The following ARL14EP variants were observed in gnomAD, a reference collection of about 807,000 sequenced individuals.
ARL14EP encodes the protein ARF like GTPase 14 effector protein.
ARL14EP carries 12 observed loss-of-function variants against 23.1 expected under a neutral mutation model. The observed-to-expected ratio is 0.52, with a 90% CI of 0.33 to 0.84. The LOEUF (loss-of-function observed/expected upper bound fraction) is 0.84. Ranked by LOEUF, ARL14EP falls within the 40% of genes least tolerant of loss-of-function variation. The pLI, the probability that ARL14EP is intolerant of heterozygous loss-of-function variation, is 0.02. For missense variants in ARL14EP, 253 were observed against 307.3 expected (o/e 0.82, Z 1.32); for synonymous variants, 97 against 102.0 (o/e 0.95, Z 0.29).
intron 2 of ARL14EP, 149 bp downstream of exon 2, chr11:30,331,523 T>C: frequency 6.7e-7 from 1 of 1,483,022 alleles, no homozygotes; most frequent in East Asian, 2.5e-5. Context: ...TGTTTCTAAA[T>C]ATTATTCACA....
chr11:30,330,814 T>C (rs1947276069), intron 1 of ARL14EP, 72 bp from the exon 2 acceptor site: 1 of 828,652 alleles, frequency 1.2e-6, no homozygotes, highest in Non-Finnish European at 1.9e-6. Context: ...GTGTTGAATT[T>C]TATCAAATGC....
chr11:30,327,457 A>G (rs764206175), intron 1 of ARL14EP, among the ~76,000 whole-genome samples: 2 of 152,214 alleles, frequency 1.3e-5, no homozygotes, highest in Non-Finnish European at 2.9e-5. Context: ...CCTAAATCCA[A>G]GATGCTTTTC....
intron 3 of ARL14EP, 80 bp from the exon 4 acceptor site, chr11:30,336,487 T>G (rs1419792465): frequency 1.9e-4 from 25 of 130,062 alleles, no homozygotes; most frequent in Non-Finnish European, 2.3e-4. Flanking sequence ...TTTTATCTCC[T>G]TTTTTTTTTT....
At chr11:30,333,976 C>T (rs1485339245) in intron 3 of ARL14EP, among the ~76,000 whole-genome samples, 1 of 152,160 alleles carries the variant, frequency 6.6e-6, no homozygotes, top group African/African-American at 2.4e-5. Context: ...CCAGCTACAA[C>T]ACATTCCCTT....
intron 3 of ARL14EP, among the ~76,000 whole-genome samples, chr11:30,334,262 C>G (rs1947313751): frequency 7.6e-6 from 1 of 130,908 alleles, no homozygotes; most frequent in Admixed American, 8.1e-5. Context: ...GTCACCCAGC[C>G]TGAGGTGCAG....
chr11:30,337,708 C>T lies in ARL14EP; in HGVS notation c.*913C>T, dbSNP rs1218306958. 4.0e-5 allele frequency: 6 copies of T among 151,648 alleles called. No homozygotes were observed. Among genetic ancestry groups the T allele is most frequent in the Non-Finnish European group, 7.4e-5 (5 of 67,920 alleles). The allele number at this position is 151,648 out of a possible 1,614,324, so 9.4% of individuals were successfully genotyped here. A position where few individuals can be genotyped will look rare whatever the true frequency, so the allele number is the denominator to read the frequency against. ...TATTTCACAACATTGAAAGCACAAG[C>T]AATAAAAGGGTGGAAGCTGACCCAA... On this transcript the variant is annotated 3_prime_UTR_variant, in exon 4 of 4. Transcript: ENST00000282032.
At chr11:30,336,264 A>T (rs968275687) in intron 3 of ARL14EP, among the ~76,000 whole-genome samples, 8 of 152,336 alleles carry the variant, frequency 5.3e-5, no homozygotes, top group African/African-American at 1.9e-4. Flanking sequence ...TAATAAAGTG[A>T]ACCACTATTA....
chr11:30,331,759 G>T, intron 2 of ARL14EP: 1 of 1,021,588 alleles, frequency 9.8e-7, no homozygotes, highest in Non-Finnish European at 1.2e-6. Flanking sequence ...GCCTTTATAT[G>T]AAGGACTTGG....
chr11:30,326,117 C>T (rs1947233376), intron 1 of ARL14EP, among the ~76,000 whole-genome samples: 1 of 152,124 alleles, frequency 6.6e-6, no homozygotes. Flanking sequence ...AAATACATAT[C>T]TGTGTTTTTC....
rs370929705 is a variant in ARL14EP, at chr11:30,333,001, A to G, written c.554+8A>G. On this transcript the variant is annotated splice_region_variant and intron_variant, in intron 3 of 3. Transcript: ENST00000282032. ...AACCGCTGGTTCAGACAGGTAGGCT[A>G]AGTGTTACTGAAGACATGTTAACTT... 5 of 1,612,358 alleles carry G rather than the reference A, an allele frequency of 3.1e-6. No homozygotes were observed. Among genetic ancestry groups the G allele is most frequent in the African/African-American group, 1.3e-5 (1 of 74,912 alleles).
At chr11:30,331,600 A>G (rs1947284303) in intron 2 of ARL14EP, 3 of 1,387,314 alleles carry the variant, frequency 2.2e-6, no homozygotes, top group African/African-American at 1.5e-5. Context: ...AAATATGCCT[A>G]AGACTCCAAG....
intron 1 of ARL14EP, among the ~76,000 whole-genome samples, chr11:30,325,890 A>C (rs1327661404): frequency 6.6e-6 from 1 of 152,194 alleles, no homozygotes; most frequent in Non-Finnish European, 1.5e-5. Context: ...ATTATTTTGC[A>C]TTGCTGTTGG....
chr11:30,336,094 T>G (rs1263219452), intron 3 of ARL14EP, among the ~76,000 whole-genome samples: 1 of 152,174 alleles, frequency 6.6e-6, no homozygotes, highest in Non-Finnish European at 1.5e-5. Flanking sequence ...GTATTCCATC[T>G]GTTAAAATTT....
At chr11:30,331,706 G>C in intron 2 of ARL14EP, 1 of 1,126,496 alleles carries the variant, frequency 8.9e-7, no homozygotes, top group Non-Finnish European at 1.1e-6. Flanking sequence ...GTAACTACAC[G>C]GGACATGGCA....
chr11:30,336,486 C>CTTT, intron 3 of ARL14EP, 81 bp from the exon 4 acceptor site: 5 of 744,038 alleles, frequency 6.7e-6, no homozygotes, highest in Admixed American at 3.7e-5. Flanking sequence ...ATTTTATCTC[C>CTTT]TTTTTTTTTT....
At chr11:30,327,745 T>TC (rs1947248146) in intron 1 of ARL14EP, among the ~76,000 whole-genome samples, 1 of 144,974 alleles carries the variant, frequency 6.9e-6, no homozygotes, top group Non-Finnish European at 1.5e-5. Context: ...GATCACGAGG[T>TC]CAGGAGATCG....
chr11:30,332,284 TA>T (rs1339337476), intron 2 of ARL14EP, among the ~76,000 whole-genome samples: 1 of 151,042 alleles, frequency 6.6e-6, no homozygotes, highest in African/African-American at 2.4e-5. Context: ...TAGTTCATAC[TA>T]GATACTTGCT....
intron 2 of ARL14EP, 127 bp from the exon 3 acceptor site, chr11:30,332,736 CTTG>C: frequency 8.5e-7 from 1 of 1,173,554 alleles, no homozygotes; most frequent in Middle Eastern, 2.9e-4. Context: ...GCTCTAAAAC[CTTG>C]TTTTCTTTTT....
chr11:30,331,820 T>G (rs1317109796), intron 2 of ARL14EP: 1 of 988,994 alleles, frequency 1.0e-6, no homozygotes, highest in East Asian at 1.1e-4. Context: ...AGTAATTGTT[T>G]TTTATTTCAC....
Sources: gnomAD v4.1 joint callset for allele counts (sites outside exome capture counted in the v4.1 genomes callset) on GRCh38, gnomAD v4.1.1 for gene constraint, MANE v1.5 for transcripts, NCBI Gene and HGNC (gene_info 2026-07-23, HGNC 2026-07-21) for gene names.